The following MFAP3L variants were observed in gnomAD, a reference collection of about 807,000 sequenced individuals.
The protein encoded by MFAP3L is microfibrillar-associated protein 3-like.
MFAP3L carries 5 observed loss-of-function variants against 20.0 expected under a neutral mutation model. That is an observed-to-expected ratio of 0.25 (90% CI 0.13 to 0.53). The LOEUF (loss-of-function observed/expected upper bound fraction) is 0.53. MFAP3L is among the 20% of genes least tolerant of loss of function. The probability of loss-of-function intolerance (pLI) is 0.96; values close to 1 mark genes in which losing one functional copy is unlikely to be tolerated. For missense variants in MFAP3L, 409 were observed against 527.5 expected (o/e 0.78, Z 2.20); for synonymous variants, 219 against 213.0 (o/e 1.03, Z -0.25).
chr4:169,991,967 G>A lies in MFAP3L; in HGVS notation c.641C>T (p.Ala214Val), dbSNP rs1176719871. 1.2e-6 allele frequency: 2 copies of A among 1,614,032 alleles called. No individual in the cohort carries two copies. Among genetic ancestry groups the A allele is most frequent in the African/African-American group, 2.7e-5 (2 of 74,920 alleles). ...IAKRIPIITS[A>V]KTLELAKVTQ... ...GACTTTGGCAAGCTCTAGAGTTTTG[G>A]CGGAGGTGATGATGGGGATGCGCTT... The change falls in exon 3 of 3, where the codon GCC becomes GTC. Residue 214 changes from alanine (A) to valine (V), a missense_variant. Around this residue, in one of 3 missense-constraint regions of MFAP3L, gnomAD observed 127 missense variants for 218.1 expected, o/e 0.58. Coordinates refer to ENST00000361618, the MANE Select transcript of MFAP3L (RefSeq NM_021647.8). This position sits in a 1 kb window ranked among gnomAD's most constrained non-coding sequence, Gnocchi z 4.9.
At chr4:169,998,613 C>A (rs145080184) in intron 2 of MFAP3L, among the ~76,000 whole-genome samples, 2 of 152,100 alleles carry the variant, frequency 1.3e-5, no homozygotes, top group African/African-American at 4.8e-5. Context: ...AAAATTATAC[C>A]CAAATGCTAA....
At chr4:170,001,707 G>C (rs886244198) in intron 2 of MFAP3L, among the ~76,000 whole-genome samples, 1 of 152,156 alleles carries the variant, frequency 6.6e-6, no homozygotes, top group Non-Finnish European at 1.5e-5. Flanking sequence ...ACTGAAAACA[G>C]TATATTTCGT....
intron 1 of MFAP3L, among the ~76,000 whole-genome samples, chr4:170,008,271 A>C (rs1739169591): frequency 6.6e-6 from 1 of 152,174 alleles, no homozygotes; most frequent in Non-Finnish European, 1.5e-5. Context: ...AAAGTCACTA[A>C]GGTACAGAAG....
At position 169,991,781 on chromosome 4, in the gene MFAP3L, T is replaced by C. The variant is rs1737719415; in HGVS notation, c.827A>G (p.Glu276Gly). The C allele has an allele frequency of 6.2e-7, 1 of 1,614,138 alleles. No individual in the cohort carries two copies. The highest frequency in any genetic ancestry group is 1.7e-5 in the Admixed American group (1 of 60,028). ...QGQNFVRHTP[E>G]GQEAADRDEV... Reference sequence around the variant, plus strand: ...ATCCCTGTCTGCGGCCTCCTGGCCCTCTGGAGTATGCCTCACAAAATTCTG... The same window carrying C: ...ATCCCTGTCTGCGGCCTCCTGGCCCCCTGGAGTATGCCTCACAAAATTCTG... Residue 276 changes from glutamate to glycine, a missense_variant, in exon 3 of 3, where the codon GAG (glutamate) becomes GGG (glycine). Transcript: ENST00000361618. The surrounding 1 kb of genome is among the most constrained non-coding windows in gnomAD (Gnocchi z 4.9).
At chr4:170,013,328 A>G (rs1437219462) in intron 1 of MFAP3L, among the ~76,000 whole-genome samples, 1 of 152,202 alleles carries the variant, frequency 6.6e-6, no homozygotes, top group African/African-American at 2.4e-5. Flanking sequence ...TACTCAAGGG[A>G]CCTTTACTAC....
rs1737689607 is a variant in MFAP3L at position 169,991,605 on chromosome 4, C to T, written c.1003G>A (p.Gly335Ser). ...ACATCTTTGACTTCAAACTGTCCAC[C>T]CTCTTGGTCATCTGCATGCTCTTTT... The part of the protein sequence containing the change: ...SKKEHADDQE[G>S]GQFEVKDVEE... The change falls in exon 3 of 3, where the codon GGT (glycine) becomes AGT (serine). Residue 335 changes from glycine to serine, a missense_variant. Coordinates refer to ENST00000361618, the MANE Select transcript of MFAP3L (RefSeq NM_021647.8). This position sits in a 1 kb window ranked among gnomAD's most constrained non-coding sequence, Gnocchi z 4.9. The T allele has an allele frequency of 1.9e-6, 3 of 1,613,978 alleles. No homozygotes were observed. Among genetic ancestry groups the T allele is most frequent in the Non-Finnish European group, 2.5e-6 (3 of 1,180,038 alleles).
chr4:169,998,145 C>T (rs1344457141), intron 2 of MFAP3L, among the ~76,000 whole-genome samples: 1 of 152,238 alleles, frequency 6.6e-6, no homozygotes, highest in Non-Finnish European at 1.5e-5. Flanking sequence ...ACCGGGAAGG[C>T]AGCTGACCTG....
chr4:170,026,026 C>T (rs541215634), intron 1 of MFAP3L, among the ~76,000 whole-genome samples: 2 of 152,106 alleles, frequency 1.3e-5, no homozygotes, highest in Admixed American at 1.3e-4. Flanking sequence ...CAGCCCCCGC[C>T]CCGCACGGAT....
chr4:170,003,495 C>T (rs947292228), intron 2 of MFAP3L, among the ~76,000 whole-genome samples: 5 of 152,194 alleles, frequency 3.3e-5, no homozygotes, highest in African/African-American at 7.2e-5. Context: ...AGGACCTTTT[C>T]GCTAAGATAC....
At position 170,026,387 on chromosome 4, in the gene MFAP3L, C is replaced by T. The variant is rs1730421045; in HGVS notation, c.-287G>A. 1.4e-6 allele frequency: 1 copy of T among 695,370 alleles called. No individual in the cohort carries two copies. The allele number at this position is 695,370 out of a possible 1,614,324, so 43.1% of individuals were successfully genotyped here. ...GCGCCTCACAGCGTTGCGAGCTGCGCCGCCGGCTGCCGGGAGCGCGGAGCT... is the reference window on the plus strand; with the variant it reads ...GCGCCTCACAGCGTTGCGAGCTGCGTCGCCGGCTGCCGGGAGCGCGGAGCT... On this transcript the variant is annotated 5_prime_UTR_variant, in exon 1 of 3. Transcript: ENST00000361618.
intron 1 of MFAP3L, among the ~76,000 whole-genome samples, chr4:170,014,353 G>T (rs981199715): frequency 3.3e-5 from 5 of 152,208 alleles, no homozygotes; most frequent in Non-Finnish European, 7.3e-5. Context: ...AGAAGTTCCT[G>T]ATGTATTTAG....
chr4:170,002,345 A>G, intron 2 of MFAP3L: 1 of 684,020 alleles, frequency 1.5e-6, no homozygotes, highest in Non-Finnish European at 1.8e-6. Context: ...GATTAATAAC[A>G]CTTCACTGTA....
At position 169,991,325 on chromosome 4, in the gene MFAP3L, T is replaced by C. The variant is rs1315830912; in HGVS notation, c.*53A>G. 3 of 1,553,036 alleles carry C rather than the reference T, an allele frequency of 1.9e-6. No homozygotes were observed. Among genetic ancestry groups the C allele is most frequent in the Non-Finnish European group, 2.6e-6 (3 of 1,144,930 alleles). On this transcript the variant is annotated 3_prime_UTR_variant, in exon 3 of 3. Coordinates refer to ENST00000361618, the MANE Select transcript of MFAP3L (RefSeq NM_021647.8). The surrounding 1 kb of genome is among the most constrained non-coding windows in gnomAD (Gnocchi z 4.9). ...CGGCAAGTGCGTACTACATCTGTAT[T>C]ACAAGGAGCAGCCCCTGATTTTCTT...
chr4:169,993,967 C>T (rs1737939814), intron 2 of MFAP3L, among the ~76,000 whole-genome samples: 1 of 152,156 alleles, frequency 6.6e-6, no homozygotes, highest in African/African-American at 2.4e-5. Flanking sequence ...ATCCCATGAA[C>T]ATAAATTTTG....
intron 1 of MFAP3L, among the ~76,000 whole-genome samples, chr4:170,026,023 C>T (rs939674446): frequency 3.9e-5 from 6 of 152,080 alleles, no homozygotes; most frequent in African/African-American, 1.4e-4. Flanking sequence ...GGCCAGCCCC[C>T]GCCCCGCACG....
intron 1 of MFAP3L, among the ~76,000 whole-genome samples, chr4:170,019,125 G>A (rs1020460444): frequency 1.3e-5 from 2 of 152,214 alleles, no homozygotes; most frequent in Non-Finnish European, 2.9e-5. Flanking sequence ...AAGCACAGTC[G>A]CTGTTTATCT....
rs752429043 is a variant in MFAP3L, at chr4:170,005,522, G to C, written c.298+58C>G. ...GAGAAGAACTAACATCACGGGTGCT[G>C]GCTCCAAAGCTCCTGTTTATATTTT... On this transcript the variant is annotated intron_variant, in intron 2 of 2. Transcript: ENST00000361618. 3.2e-6 allele frequency: 5 copies of C among 1,543,222 alleles called. No individual in the cohort carries two copies. In the African/African-American group the frequency reaches 6.8e-5, roughly 21 times the overall value.
intron 2 of MFAP3L, among the ~76,000 whole-genome samples, chr4:170,003,186 C>A (rs1738792421): frequency 6.6e-6 from 1 of 152,144 alleles, no homozygotes; most frequent in African/African-American, 2.4e-5. Flanking sequence ...ATCACGAGTT[C>A]TTTTTAAAAC....
At position 169,991,742 on chromosome 4, in the gene MFAP3L, A is replaced by C. The variant is rs750539749; in HGVS notation, c.866T>G (p.Ile289Ser). 6.2e-7 allele frequency: 1 copy of C among 1,613,818 alleles called. No individual in the cohort carries two copies. Among genetic ancestry groups the C allele is most frequent in the Non-Finnish European group, 8.5e-7 (1 of 1,179,960 alleles). The part of the protein sequence containing the change: ...EAADRDEVYT[I>S]PNSLKRSDSP... ...GTCGCTCCGCTTCAGAGAGTTGGGG[A>C]TTGTGTAGACCTCATCCCTGTCTGC... The change falls in exon 3 of 3, where the codon ATC becomes AGC. Residue 289 changes from isoleucine (I) to serine (S), a missense_variant. This residue lies in a region of MFAP3L where 169 missense variants were observed against 178.2 expected (regional missense o/e 0.95). Coordinates refer to ENST00000361618, the MANE Select transcript of MFAP3L (RefSeq NM_021647.8). This position sits in a 1 kb window ranked among gnomAD's most constrained non-coding sequence, Gnocchi z 4.9.
Sources: allele counts gnomAD v4.1 joint callset (sites outside exome capture counted in the v4.1 genomes callset), GRCh38; gene constraint gnomAD v4.1.1; regional missense constraint gnomAD v4.1.1; non-coding constraint Gnocchi (gnomAD v3.1); transcripts MANE v1.5; gene names NCBI Gene and HGNC (gene_info 2026-07-23, HGNC 2026-07-21).